Variants in CHN2 observed in about 807,000 individuals in gnomAD.
CHN2 encodes the protein beta-chimaerin.
In CHN2, 35 loss-of-function variants were observed where a neutral mutation model predicts 56.3. That is an observed-to-expected ratio of 0.62 (90% CI 0.47 to 0.82). The LOEUF is 0.82. CHN2 is among the 40% of genes least tolerant of loss of function. The probability of loss-of-function intolerance (pLI) is 0.00; values close to 1 mark genes in which losing one functional copy is unlikely to be tolerated. For synonymous variants in CHN2, 210 were observed against 212.8 expected, an observed-to-expected ratio of 0.99 and a Z score of 0.12; for missense variants, 491 against 580.5, an observed-to-expected ratio of 0.85 and a Z score of 1.58.
At chr7:29,507,789 C>G (rs1420141) in intron 11 of CHN2, among the ~76,000 whole-genome samples, 5 of 152,030 alleles carry the variant, frequency 3.3e-5, no homozygotes, top group African/African-American at 1.2e-4. Flanking sequence ...TTAATGATAG[C>G]TTTAATGATA....
At chr7:29,194,629 CGGCG>C (rs961002990), upstream of CHN2, 47 of 296,926 alleles carry the variant, frequency 1.6e-4, no homozygotes, top group Middle Eastern at 9.3e-4. Flanking sequence ...CAGAGGGGCT[CGGCG>C]GGAGCCGAGA....
At position 29,416,515 on chromosome 7, in the gene CHN2, G is replaced by A. The variant is rs148919461; in HGVS notation, c.576+15687G>A. ...AGTCCAGTAGTTCTCAAATTTTAGC[G>A]TACATGAGAATCCTGTAGAAGGTTT... On this transcript the variant is annotated intron_variant, in intron 6 of 12. Transcript: ENST00000222792. Among the ~76,000 whole-genome samples the A allele has an allele frequency of 5.9e-3, 901 of 152,266 alleles. 6 individuals are homozygous for A. The highest frequency in any genetic ancestry group is 0.011 in the East Asian group (58 of 5,174).
chr7:29,349,675 T>C (rs1383044576), intron 1 of CHN2, among the ~76,000 whole-genome samples: 1 of 152,228 alleles, frequency 6.6e-6, no homozygotes, highest in Non-Finnish European at 1.5e-5. Context: ...AGTCAAAAGG[T>C]TGACGCATTT....
At chr7:29,485,496 C>A (rs753933846) in intron 7 of CHN2, among the ~76,000 whole-genome samples, 1 of 152,126 alleles carries the variant, frequency 6.6e-6, no homozygotes, top group African/African-American at 2.4e-5. Context: ...TGCTGGAGAT[C>A]CTGTGTAAGA....
chr7:29,193,381 C>T (rs1432327863), upstream of CHN2: 1 of 152,146 alleles, frequency 6.6e-6, no homozygotes, highest in Non-Finnish European at 1.5e-5. Context: ...GGCCTAGCTG[C>T]TGTTCTGTGT....
chr7:29,213,457 A>G (rs529420640), intron 1 of CHN2, among the ~76,000 whole-genome samples: 1 of 152,300 alleles, frequency 6.6e-6, no homozygotes, highest in African/African-American at 2.4e-5. Flanking sequence ...CTTGGCTACT[A>G]AGGACAACAT....
At chr7:29,236,815 G>A (rs1787227605) in intron 1 of CHN2, among the ~76,000 whole-genome samples, 1 of 152,038 alleles carries the variant, frequency 6.6e-6, no homozygotes, top group African/African-American at 2.4e-5. Context: ...ATATTCCTTG[G>A]CTCATGGCCC....
chr7:29,266,829 C>T (rs1790184464), intron 1 of CHN2, among the ~76,000 whole-genome samples: 1 of 152,200 alleles, frequency 6.6e-6, no homozygotes. Flanking sequence ...AAACTAGGTC[C>T]AGACCTCCTT....
At chr7:29,394,431 C>T (rs1465034859) in intron 4 of CHN2, among the ~76,000 whole-genome samples, 3 of 152,212 alleles carry the variant, frequency 2.0e-5, no homozygotes, top group Non-Finnish European at 2.9e-5. Flanking sequence ...GGCAACGTCT[C>T]TTTTGAGTCT....
At chr7:29,197,006 C>T (rs1010547624) in intron 1 of CHN2, among the ~76,000 whole-genome samples, 19 of 152,156 alleles carry the variant, frequency 1.2e-4, no homozygotes, top group African/African-American at 4.3e-4. Flanking sequence ...TAATCAGGCA[C>T]TTTGTCTTGA....
intron 9 of CHN2, 60 bp downstream of exon 9, chr7:29,500,100 A>G: frequency 7.5e-7 from 1 of 1,325,490 alleles, no homozygotes; most frequent in Non-Finnish European, 1.0e-6. Context: ...GTTTGTTTTT[A>G]CTGTTGTCAA....
At chr7:29,278,807 T>C (rs1562885925) in intron 1 of CHN2, among the ~76,000 whole-genome samples, 1 of 152,202 alleles carries the variant, frequency 6.6e-6, no homozygotes, top group Non-Finnish European at 1.5e-5. Context: ...CCCTCCCCCA[T>C]AAGGAGTTAA....
intron 1 of CHN2, among the ~76,000 whole-genome samples, chr7:29,219,385 TA>T (rs1785597169): frequency 6.6e-6 from 1 of 152,178 alleles, no homozygotes; most frequent in Admixed American, 6.5e-5. Flanking sequence ...AAAATATTTT[TA>T]AAAACACTTG....
At chr7:29,358,474 C>CT (rs1562544348) in intron 2 of CHN2, among the ~76,000 whole-genome samples, 1 of 137,164 alleles carries the variant, frequency 7.3e-6, no homozygotes, top group Non-Finnish European at 1.7e-5. Context: ...TATTTATTTT[C>CT]TTTTTTGAGA....
At chr7:29,237,625 C>T (rs1787298657) in intron 1 of CHN2, among the ~76,000 whole-genome samples, 1 of 152,132 alleles carries the variant, frequency 6.6e-6, no homozygotes, top group Admixed American at 6.5e-5. Context: ...AACATCTAAC[C>T]TCTAGGCTAA....
intron 1 of CHN2, among the ~76,000 whole-genome samples, chr7:29,269,148 C>G (rs926471543): frequency 6.6e-6 from 1 of 152,182 alleles, no homozygotes; most frequent in African/African-American, 2.4e-5. Context: ...CTACTGAACA[C>G]TAGATCTTAT....
chr7:29,244,766 T>C (rs535980812), intron 1 of CHN2, among the ~76,000 whole-genome samples: 1 of 152,342 alleles, frequency 6.6e-6, no homozygotes, highest in South Asian at 2.1e-4. Flanking sequence ...CAGTGTAACG[T>C]TGAGCAAGTT....
intron 6 of CHN2, among the ~76,000 whole-genome samples, chr7:29,435,633 TA>T (rs1783161524): frequency 6.6e-6 from 1 of 152,180 alleles, no homozygotes; most frequent in Non-Finnish European, 1.5e-5. Context: ...CAGTTAAAAT[TA>T]TAATATTATA....
intron 6 of CHN2, among the ~76,000 whole-genome samples, chr7:29,408,919 C>G (rs189004117): frequency 6.6e-6 from 1 of 152,146 alleles, no homozygotes; most frequent in African/African-American, 2.4e-5. Context: ...ACACGGCTCC[C>G]GAGAAAGTAT....
Sources: gnomAD v4.1 joint callset for allele counts (sites outside exome capture counted in the v4.1 genomes callset) on GRCh38, gnomAD v4.1.1 for gene constraint, MANE v1.5 for transcripts, NCBI Gene and HGNC (gene_info 2026-07-23, HGNC 2026-07-21) for gene names.